The following RGL1 variants were observed in gnomAD, a reference collection of about 807,000 sequenced individuals.
RGL1 encodes ral guanine nucleotide dissociation stimulator-like 1.
Under a neutral mutation model 95.2 loss-of-function variants are expected in RGL1, and 24 were observed. That is an observed-to-expected ratio of 0.25 (90% CI 0.18 to 0.35). RGL1 has a LOEUF of 0.35. RGL1 is among the 10% of genes least tolerant of loss of function. RGL1 has a pLI of 1.00. For synonymous variants in RGL1, 329 were observed against 344.9 expected (o/e 0.95, Z 0.51); for missense variants, 715 against 936.3 (o/e 0.76, Z 3.08).
Position 183,883,828 on chromosome 1 carries a change from A to C in RGL1, c.653A>C (p.Glu218Ala). ...ATCTCCTTCAGCCTGGAAGAGGAAG[A>C]GGAACTGGAGGGTGGAGAGTCAGCA... ...NTISFSLEEE[E>A]ELEGGESAEF... The change falls in exon 6 of 18, where the codon GAG becomes GCG. Residue 218 changes from glutamate (E) to alanine (A), a missense_variant. By Grantham distance (107) the Glu-to-Ala change is moderately radical (BLOSUM62 -1). This residue lies in a region of RGL1 where 381 missense variants were observed against 484.8 expected (regional missense o/e 0.79). Coordinates refer to ENST00000360851, the MANE Select transcript of RGL1 (RefSeq NM_001297671.3). 6.2e-7 allele frequency: 1 copy of C among 1,614,084 alleles called. No homozygotes were observed.
chr1:183,867,708 T>C (rs1262569469), intron 4 of RGL1, among the ~76,000 whole-genome samples: 1 of 151,568 alleles, frequency 6.6e-6, no homozygotes, highest in Non-Finnish European at 1.5e-5. Flanking sequence ...ACATCCATGA[T>C]GCGGGGGTGG....
At chr1:183,668,406 A>G (rs1485964467) in intron 1 of RGL1, among the ~76,000 whole-genome samples, 1 of 151,942 alleles carries the variant, frequency 6.6e-6, no homozygotes, top group African/African-American at 2.4e-5. Context: ...TTGAGAAATC[A>G]TGTGTAATTT....
intron 9 of RGL1, among the ~76,000 whole-genome samples, chr1:183,895,795 G>A (rs998523432): frequency 2.6e-5 from 4 of 152,166 alleles, no homozygotes; most frequent in African/African-American, 4.8e-5. Flanking sequence ...GAATAATAGG[G>A]ACTCGTCGGT....
Position 183,916,535 on chromosome 1 carries a change from C to T in RGL1, c.1838C>T (p.Ser613Phe), listed in dbSNP as rs564283149. 6.2e-7 allele frequency: 1 copy of T among 1,614,006 alleles called. No individual in the cohort carries two copies. The highest frequency in any genetic ancestry group is 1.1e-5 in the South Asian group (1 of 91,062). The change falls in exon 16 of 18, where the codon TCC becomes TTC. Residue 613 changes from serine (S) to phenylalanine (F), a missense_variant. Ser to Phe is a radical substitution (Grantham distance 155). Coordinates refer to ENST00000360851, the MANE Select transcript of RGL1 (RefSeq NM_001297671.3). ...TCTTCCTTAATCAACCCCCTCTCCT[C>T]CCCTCCGTCCTGCAACAACAACCCC... The part of the protein sequence containing the change: ...GMSSLINPLS[S>F]PPSCNNNPKI...
intron 2 of RGL1, among the ~76,000 whole-genome samples, chr1:183,815,325 T>C (rs572965956): frequency 3.9e-5 from 6 of 152,202 alleles, no homozygotes; most frequent in South Asian, 4.1e-4. Context: ...TTGAGATAAA[T>C]GATACTCCTA....
chr1:183,655,388 C>T (rs963459998), intron 1 of RGL1, among the ~76,000 whole-genome samples: 8 of 152,144 alleles, frequency 5.3e-5, no homozygotes, highest in Non-Finnish European at 1.2e-4. Context: ...CTACTGTACC[C>T]AAGTAATTAT....
intron 2 of RGL1, among the ~76,000 whole-genome samples, chr1:183,826,940 C>T (rs112112516): frequency 0.13 from 20,290 of 151,048 alleles, 1,756 homozygotes; most frequent in South Asian, 0.2. Flanking sequence ...TTTTCTTTTT[C>T]GAGACAGAGT....
At chr1:183,689,381 T>C (rs1164956624) in intron 1 of RGL1, among the ~76,000 whole-genome samples, 2 of 152,216 alleles carry the variant, frequency 1.3e-5, no homozygotes, top group Admixed American at 1.3e-4. Context: ...TGCATTTGTG[T>C]CTTTGCATTT....
chr1:183,742,311 CA>C (rs1558182959), intron 2 of RGL1: 18 of 1,613,534 alleles, frequency 1.1e-5, no homozygotes, highest in Non-Finnish European at 1.2e-5. Flanking sequence ...CTAAATGACA[CA>C]GTTGGTGAAA....
intron 1 of RGL1, among the ~76,000 whole-genome samples, chr1:183,679,532 A>ATCC (rs1653066260): frequency 7.5e-6 from 1 of 132,860 alleles, no homozygotes; most frequent in African/African-American, 3.4e-5. Context: ...TGAGAATGAG[A>ATCC]AAAAAAGAAT....
chr1:183,652,892 T>A lies in RGL1; in HGVS notation c.-33+16391T>A, dbSNP rs140835294. Among the ~76,000 whole-genome samples the A allele has an allele frequency of 7.2e-5, 11 of 152,304 alleles. No individual in the cohort carries two copies. In the East Asian group the frequency reaches 2.1e-3, roughly 29 times the overall value. On this transcript the variant is annotated intron_variant, in intron 1 of 18. Coordinates refer to the RGL1 transcript ENST00000304685. ...GGGACCGTGGGAGGACAGCTTTCCA[T>A]AGTTTAACATAAATGAACCACACCA...
chr1:183,884,719 C>G lies in RGL1; in HGVS notation c.736-4C>G, dbSNP rs754794975. On this transcript the variant is annotated splice_region_variant and splice_polypyrimidine_tract_variant and intron_variant, in intron 6 of 17. Coordinates refer to ENST00000360851, the MANE Select transcript of RGL1 (RefSeq NM_001297671.3). ...CCTTAAAGTCAGTTCCTCTTTTGTTCCAGCAACTCTTCAAGAAAGTAGTGC... is the reference window on the plus strand; with the variant it reads ...CCTTAAAGTCAGTTCCTCTTTTGTTGCAGCAACTCTTCAAGAAAGTAGTGC... The G allele has an allele frequency of 1.2e-6, 2 of 1,613,230 alleles. No individual in the cohort carries two copies. The highest frequency in any genetic ancestry group is 2.2e-5 in the South Asian group (2 of 91,034).
intron 3 of RGL1, among the ~76,000 whole-genome samples, chr1:183,862,241 G>A (rs527907334): frequency 6.6e-6 from 1 of 152,292 alleles, no homozygotes; most frequent in Non-Finnish European, 1.5e-5. Flanking sequence ...TAGTGCCTGT[G>A]GTCCCAGCCT....
chr1:183,762,644 C>T (rs1267428388), intron 2 of RGL1, among the ~76,000 whole-genome samples: 11 of 152,206 alleles, frequency 7.2e-5, no homozygotes, highest in Admixed American at 6.5e-5. Flanking sequence ...AAAAGAAGCT[C>T]ATCATCACTG....
At chr1:183,775,598 G>T (rs187575965) in intron 2 of RGL1, among the ~76,000 whole-genome samples, 1 of 152,228 alleles carries the variant, frequency 6.6e-6, no homozygotes, top group African/African-American at 2.4e-5. Flanking sequence ...TTTGAACATG[G>T]GTCTGACATT....
chr1:183,665,668 T>C (rs1651977370), intron 1 of RGL1, among the ~76,000 whole-genome samples: 1 of 152,206 alleles, frequency 6.6e-6, no homozygotes, highest in South Asian at 2.1e-4. Flanking sequence ...TAGGTGAGCA[T>C]AGATTGTTCA....
In RGL1 at chr1:183,692,777, T is replaced by C. The variant is rs114637344; in HGVS notation, c.-32-49349T>C. 8.5e-3 allele frequency among the ~76,000 whole-genome samples: 1,300 copies of C among 152,154 alleles called. 22 individuals carry two copies. The highest frequency in any genetic ancestry group is 0.029 in the African/African-American group (1,201 of 41,496). ...GCAGCTAGGGTGGGAGCAGTGACTA[T>C]AAAGGGGTAGCAACAGGAAGTTTCT... On this transcript the variant is annotated intron_variant, in intron 1 of 18. Transcript: ENST00000304685.
chr1:183,785,464 C>T (rs1021400916), intron 2 of RGL1, among the ~76,000 whole-genome samples: 1 of 152,188 alleles, frequency 6.6e-6, no homozygotes, highest in Non-Finnish European at 1.5e-5. Flanking sequence ...GGGCCACATC[C>T]TGTGCCTGCT....
chr1:183,923,536 G>C (rs1388791994), intron 17 of RGL1, among the ~76,000 whole-genome samples: 1 of 152,062 alleles, frequency 6.6e-6, no homozygotes, highest in Non-Finnish European at 1.5e-5. Flanking sequence ...TGGGTCTAAA[G>C]GTCCAGGAGT....
Sources: gnomAD v4.1 joint callset for allele counts (sites outside exome capture counted in the v4.1 genomes callset) on GRCh38, gnomAD v4.1.1 for gene constraint, gnomAD v4.1.1 regional missense constraint, MANE v1.5 for transcripts, NCBI Gene and HGNC (gene_info 2026-07-23, HGNC 2026-07-21) for gene names.